The following CLIP1 variants were observed in gnomAD, a reference collection of about 807,000 sequenced individuals.
The protein encoded by CLIP1 is CAP-Gly domain-containing linker protein 1.
Under a neutral mutation model 161.6 loss-of-function variants are expected in CLIP1, and 66 were observed. The ratio of observed to expected loss-of-function variants is 0.41; its 90% CI spans 0.33 to 0.50. The LOEUF (loss-of-function observed/expected upper bound fraction) is 0.50, where lower values mean the gene tolerates loss of function less well. Ranked by LOEUF, CLIP1 falls within the 20% of genes least tolerant of loss-of-function variation. The pLI is 0.27. For missense variants in CLIP1, 1,376 were observed against 1,702.0 expected (o/e 0.81, Z 3.37); for synonymous variants, 598 against 626.2 (o/e 0.96, Z 0.67).
chr12:122,349,798 G>C (rs186657941), intron 9 of CLIP1, among the ~76,000 whole-genome samples: 2 of 152,216 alleles, frequency 1.3e-5, no homozygotes, highest in Admixed American at 6.5e-5. Context: ...AGCCTGTTTC[G>C]GAAGGAGAGA....
intron 20 of CLIP1, among the ~76,000 whole-genome samples, chr12:122,293,799 G>T (rs868685734): frequency 2.1e-4 from 21 of 99,310 alleles, no homozygotes; most frequent in East Asian, 4.9e-4. Flanking sequence ...TTTTTTTTTT[G>T]TTTTTTGTTT....
At chr12:122,321,018 TTAAATAAATAAA>T (rs56780235) in intron 17 of CLIP1, among the ~76,000 whole-genome samples, 38 of 145,086 alleles carry the variant, frequency 2.6e-4, no homozygotes, top group South Asian at 6.7e-4. Flanking sequence ...AGACTCTGTC[TTAAATAAATAAA>T]TAAATAAATA....
At chr12:122,390,115 C>T (rs1955530317) in intron 1 of CLIP1, among the ~76,000 whole-genome samples, 1 of 144,808 alleles carries the variant, frequency 6.9e-6, no homozygotes, top group Non-Finnish European at 1.5e-5. Context: ...GCTTCCTCTC[C>T]AGGCTGCACA....
intron 20 of CLIP1, among the ~76,000 whole-genome samples, chr12:122,305,562 C>T (rs116840612): frequency 0.012 from 1,761 of 152,302 alleles, 37 homozygotes; most frequent in African/African-American, 0.037. Context: ...ATCAGGTTTT[C>T]GGCCACCACA....
chr12:122,399,331 G>A (rs1956060789), intron 1 of CLIP1: 1 of 152,146 alleles, frequency 6.6e-6, no homozygotes, highest in Non-Finnish European at 1.5e-5. Flanking sequence ...TCCAAATCCT[G>A]TAAGCAAAAG....
rs556657862 is a variant in CLIP1, at chr12:122,394,867, G to A, written c.-106-14309C>T. Among the ~76,000 whole-genome samples, 152 of 152,132 alleles carry A rather than the reference G, an allele frequency of 1.0e-3. 1 individual carries two copies. Among genetic ancestry groups the A allele is most frequent in the African/African-American group, 3.5e-3 (146 of 41,528 alleles). The stretch of plus-strand genomic sequence containing the variant: ...ACTCCGGCTCAAAAATAAAAAAAAA[G>A]AAGGACAATCCTTTAAAAAGTTAAT... On this transcript the variant is annotated intron_variant, in intron 1 of 25. Transcript: ENST00000620786.
At position 122,300,537 on chromosome 12, in the gene CLIP1, G is replaced by A. The variant is rs1950640876; in HGVS notation, c.3594+9225C>T. ...AGTAAAATATGTTCTTAAAATGTAAGAGGTTTATTTCATTTTCTTAGGTAT... is the reference window on the plus strand; with the variant it reads ...AGTAAAATATGTTCTTAAAATGTAAAAGGTTTATTTCATTTTCTTAGGTAT... On this transcript the variant is annotated intron_variant, in intron 20 of 25. Transcript: ENST00000620786. Among the ~76,000 whole-genome samples the A allele has an allele frequency of 2.0e-5, 3 of 152,204 alleles. 1 individual carries two copies. The South Asian group carries it at 6.2e-4, about 32-fold the overall frequency.
At chr12:122,333,979 G>A (rs886801910) in intron 14 of CLIP1, 48 bp downstream of exon 14, 1 of 1,169,414 alleles carries the variant, frequency 8.6e-7, no homozygotes, top group Non-Finnish European at 1.3e-6. Flanking sequence ...CTCGAATACG[G>A]GAAAGCCTAC....
chr12:122,303,082 T>C (rs544175623), intron 20 of CLIP1, among the ~76,000 whole-genome samples: 1 of 152,340 alleles, frequency 6.6e-6, no homozygotes, highest in African/African-American at 2.4e-5. Context: ...TGTTTATGAT[T>C]TATTTAGTAG....
intron 11 of CLIP1, among the ~76,000 whole-genome samples, chr12:122,339,401 G>T (rs1421928457): frequency 6.6e-6 from 1 of 151,948 alleles, no homozygotes; most frequent in Non-Finnish European, 1.5e-5. Flanking sequence ...ACAGTGGCAC[G>T]ATCTCAGCTC....
intron 5 of CLIP1, among the ~76,000 whole-genome samples, chr12:122,357,815 G>C (rs1390558670): frequency 1.4e-5 from 2 of 146,200 alleles, no homozygotes; most frequent in African/African-American, 2.6e-5. Context: ...GAGGGAGGTG[G>C]GGGGGGTCAG....
chr12:122,401,188 G>C (rs1392970157), intron 1 of CLIP1, among the ~76,000 whole-genome samples: 1 of 152,116 alleles, frequency 6.6e-6, no homozygotes, highest in African/African-American at 2.4e-5. Flanking sequence ...TGGGATTACA[G>C]ACATGAGCCA....
intron 21 of CLIP1, among the ~76,000 whole-genome samples, chr12:122,283,950 T>G (rs1276839780): frequency 6.6e-6 from 1 of 152,214 alleles, no homozygotes; most frequent in East Asian, 1.9e-4. Flanking sequence ...TGTAAGTATT[T>G]GCAAGGCTTT....
chr12:122,341,930 T>A (rs904517525), intron 10 of CLIP1: 11 of 300,768 alleles, frequency 3.7e-5, no homozygotes, highest in African/African-American at 2.4e-4. Context: ...ATTACAGGCA[T>A]GCGCCACCAC....
chr12:122,338,347 A>C (rs973684276), intron 11 of CLIP1, among the ~76,000 whole-genome samples: 1 of 152,178 alleles, frequency 6.6e-6, no homozygotes, highest in African/African-American at 2.4e-5. Context: ...TTAAGATGCG[A>C]ATATATGTGG....
intron 25 of CLIP1, among the ~76,000 whole-genome samples, chr12:122,273,663 C>T (rs1472398593): frequency 2.0e-5 from 3 of 151,664 alleles, no homozygotes; most frequent in African/African-American, 4.8e-5. Flanking sequence ...TTTTTTGTTG[C>T]GTCTTTTTAC....
At chr12:122,337,875 C>T (rs536574076) in intron 11 of CLIP1, among the ~76,000 whole-genome samples, 1 of 151,814 alleles carries the variant, frequency 6.6e-6, no homozygotes, top group Admixed American at 6.6e-5. Context: ...ATTAGCCAGG[C>T]GTGGTGGCAC....
intron 13 of CLIP1, 66 bp from the exon 14 acceptor site, chr12:122,334,176 G>T: frequency 1.0e-6 from 1 of 973,504 alleles, no homozygotes; most frequent in Non-Finnish European, 1.6e-6. Flanking sequence ...GAGCTTGGCT[G>T]TCTTACAACC....
chr12:122,382,435 C>A (rs1955049670), intron 1 of CLIP1, among the ~76,000 whole-genome samples: 1 of 150,550 alleles, frequency 6.6e-6, no homozygotes, highest in South Asian at 2.1e-4. Flanking sequence ...GGCTGAGGCA[C>A]GAGAATCCCT....
Sources: gnomAD v4.1 joint callset for allele counts (sites outside exome capture counted in the v4.1 genomes callset) on GRCh38, gnomAD v4.1.1 for gene constraint, MANE v1.5 for transcripts, NCBI Gene and HGNC (gene_info 2026-07-23, HGNC 2026-07-21) for gene names.